The following AGPS variants were observed in gnomAD, a reference collection of about 807,000 sequenced individuals.
AGPS encodes the protein alkyldihydroxyacetonephosphate synthase, peroxisomal.
AGPS carries 26 observed loss-of-function variants against 90.7 expected under a neutral mutation model. The ratio of observed to expected loss-of-function variants is 0.29; its 90% confidence interval spans 0.21 to 0.40. The LOEUF (loss-of-function observed/expected upper bound fraction) is 0.40, where lower values mean the gene tolerates loss of function less well. Among genes scored for constraint, AGPS ranks in the 10% least tolerant of loss-of-function variants. AGPS has a pLI of 1.00. For missense variants in AGPS, 540 were observed against 816.1 expected (o/e 0.66, Z 4.12); for synonymous variants, 294 against 285.3 (o/e 1.03, Z -0.31).
chr2:177,536,410 T>TAA (rs60070814), intron 19 of AGPS, among the ~76,000 whole-genome samples: 26 of 146,188 alleles, frequency 1.8e-4, no homozygotes, highest in African/African-American at 3.8e-4. Flanking sequence ...AGTAGTTGTT[T>TAA]AAAAAAAAAA....
At chr2:177,494,231 G>A (rs1688348717) in intron 12 of AGPS, among the ~76,000 whole-genome samples, 1 of 152,124 alleles carries the variant, frequency 6.6e-6, no homozygotes, top group African/African-American at 2.4e-5. Context: ...GGGAAGCATG[G>A]TTATAGTTAC....
chr2:177,525,090 T>A (rs112467450), intron 19 of AGPS, among the ~76,000 whole-genome samples: 1 of 152,134 alleles, frequency 6.6e-6, no homozygotes, highest in Non-Finnish European at 1.5e-5. Context: ...GTGGTTCTCA[T>A]GAATGCTAGC....
intron 11 of AGPS, among the ~76,000 whole-genome samples, chr2:177,488,154 A>G (rs1404548845): frequency 6.6e-6 from 1 of 152,052 alleles, no homozygotes; most frequent in African/African-American, 2.4e-5. Flanking sequence ...CTACATTTTA[A>G]GTTTTTATGT....
In AGPS at chr2:177,405,255, T is replaced by C. The variant is rs966958259; in HGVS notation, c.260+12206T>C. Reference sequence around the variant, plus strand: ...CCCTTGTTTCCAGTCCTGGGTTACATGTTTACATTGCTGCAATCAGTTATT... The same window carrying C: ...CCCTTGTTTCCAGTCCTGGGTTACACGTTTACATTGCTGCAATCAGTTATT... On this transcript the variant is annotated intron_variant, in intron 1 of 19. Transcript: ENST00000264167. Among the ~76,000 whole-genome samples, 7 of 152,256 alleles carry C rather than the reference T, an allele frequency of 4.6e-5. No homozygotes were observed. In the East Asian group the frequency reaches 1.3e-3, roughly 29 times the overall value.
chr2:177,480,623 T>C (rs1687916335), intron 10 of AGPS, among the ~76,000 whole-genome samples: 1 of 152,098 alleles, frequency 6.6e-6, no homozygotes, highest in South Asian at 2.1e-4. Context: ...ATATACCTAA[T>C]GTAAATGATG....
chr2:177,439,536 T>C (rs2105634895), intron 5 of AGPS, among the ~76,000 whole-genome samples: 1 of 152,350 alleles, frequency 6.6e-6, no homozygotes, highest in East Asian at 1.9e-4. Flanking sequence ...TAGCAAGCTT[T>C]ATAAGTTTAA....
Position 177,458,007 on chromosome 2 carries a change from C to T in AGPS, c.871-3886C>T, listed in dbSNP as rs1237429317. 2.0e-5 allele frequency among the ~76,000 whole-genome samples: 3 copies of T among 152,212 alleles called. No individual in the cohort carries two copies. In the East Asian group the frequency reaches 5.8e-4, roughly 29 times the overall value. ...TTATCCACCACAAGCAAGTTGGCTTCATACCTGGGATGCAAGGCTGGTTCA... is the reference window on the plus strand; with the variant it reads ...TTATCCACCACAAGCAAGTTGGCTTTATACCTGGGATGCAAGGCTGGTTCA... On this transcript the variant is annotated intron_variant, in intron 8 of 19. Transcript: ENST00000264167.
intron 19 of AGPS, among the ~76,000 whole-genome samples, chr2:177,536,325 AC>A (rs2079183830): frequency 6.6e-6 from 1 of 151,502 alleles, no homozygotes. Flanking sequence ...ACTGCTCGTC[AC>A]CCCTCTCTCT....
intron 10 of AGPS, among the ~76,000 whole-genome samples, chr2:177,469,745 A>G (rs1338524552): frequency 1.3e-5 from 2 of 152,106 alleles, no homozygotes; most frequent in African/African-American, 4.8e-5. Context: ...AGCTATTAAA[A>G]CTCATAATTT....
chr2:177,512,570 C>T (rs1688906354), intron 16 of AGPS, among the ~76,000 whole-genome samples: 1 of 152,152 alleles, frequency 6.6e-6, no homozygotes, highest in Non-Finnish European at 1.5e-5. Flanking sequence ...GGTTCTCATA[C>T]AGTCAAGTCT....
At chr2:177,526,359 AGCTGGGATTACAGGCAT>A (rs1332139308) in intron 19 of AGPS, among the ~76,000 whole-genome samples, 1 of 151,232 alleles carries the variant, frequency 6.6e-6, no homozygotes, top group Non-Finnish European at 1.5e-5. Context: ...CCTTCTGAGT[AGCTGGGATTACAGGCAT>A]GCGCCACAAT....
intron 1 of AGPS, among the ~76,000 whole-genome samples, chr2:177,403,432 T>C (rs184267003): frequency 6.6e-5 from 10 of 152,260 alleles, no homozygotes; most frequent in African/African-American, 2.4e-4. Context: ...ATCTGGGCAA[T>C]GTAATAAAGT....
chr2:177,443,000 A>G (rs1686653695), intron 7 of AGPS, among the ~76,000 whole-genome samples: 1 of 152,116 alleles, frequency 6.6e-6, no homozygotes, highest in African/African-American at 2.4e-5. Flanking sequence ...ATACCTAAGT[A>G]GAGAGAATAG....
At chr2:177,437,142 G>A in intron 5 of AGPS, 88 bp downstream of exon 5, 3 of 1,268,152 alleles carry the variant, frequency 2.4e-6, no homozygotes, top group Non-Finnish European at 3.4e-6. Context: ...TTTGGCATAT[G>A]AGTTGTAAAA....
chr2:177,418,699 T>C (rs1461883568), intron 1 of AGPS, among the ~76,000 whole-genome samples: 1 of 151,508 alleles, frequency 6.6e-6, no homozygotes, highest in African/African-American at 2.4e-5. Flanking sequence ...TTCATAAAAG[T>C]GAAGATAATT....
intron 16 of AGPS, among the ~76,000 whole-genome samples, chr2:177,511,851 A>G (rs1479208467): frequency 2.0e-5 from 3 of 152,186 alleles, no homozygotes; most frequent in Non-Finnish European, 2.9e-5. Flanking sequence ...TCCTTTCTCC[A>G]TCTCCTTTTC....
rs776944766 is a variant in AGPS, at chr2:177,482,160, G to A, written c.1207G>A (p.Ala403Thr). The A allele has an allele frequency of 2.7e-5, 43 of 1,598,582 alleles. No homozygotes were observed. The highest frequency in any genetic ancestry group is 3.5e-5 in the Non-Finnish European group (41 of 1,170,646). Residue 403 changes from alanine to threonine, a missense_variant, in exon 11 of 20, where the codon GCC becomes ACC. Coordinates refer to ENST00000264167, the MANE Select transcript of AGPS (RefSeq NM_003659.4). ...VAFPNFEQGV[A>T]CLREIAKQRC... ...TTTCCCTAATTTTGAACAAGGAGTA[G>A]CCTGTTTAAGAGAAATTGCAAAACA... is the stretch of plus-strand genomic sequence containing the variant.
chr2:177,484,507 C>T (rs1688038190), intron 11 of AGPS, among the ~76,000 whole-genome samples: 1 of 151,934 alleles, frequency 6.6e-6, no homozygotes, highest in Non-Finnish European at 1.5e-5. Context: ...CCAAGCCCAG[C>T]AGATTTTTTT....
At chr2:177,453,690 ATTTTTTTTTTTT>A (rs11401105) in intron 8 of AGPS, among the ~76,000 whole-genome samples, 1 of 90,520 alleles carries the variant, frequency 1.1e-5, no homozygotes, top group Admixed American at 1.6e-4. Flanking sequence ...ATCAGTAGTA[ATTTTTTTTTTTT>A]TTTTTTTTTT....
Sources: gnomAD v4.1 joint callset for allele counts (sites outside exome capture counted in the v4.1 genomes callset) on GRCh38, gnomAD v4.1.1 for gene constraint, MANE v1.5 for transcripts, NCBI Gene and HGNC (gene_info 2026-07-23, HGNC 2026-07-21) for gene names.